Variants in TTN observed in about 807,000 individuals in gnomAD.
TTN encodes the protein connectin.
Under a neutral mutation model 3,223.0 loss-of-function variants are expected in TTN, and 1,525 were observed. The ratio of observed to expected loss-of-function variants is 0.47; its 90% CI spans 0.45 to 0.49. The LOEUF (loss-of-function observed/expected upper bound fraction) is 0.49. Ranked by LOEUF, TTN falls within the 20% of genes least tolerant of loss-of-function variation. The pLI is 0.00. For missense variants in TTN, 40,786 were observed against 43,424.0 expected, an observed-to-expected ratio of 0.94 and a Z score of 5.40; for synonymous variants, 14,094 against 15,161.0, an observed-to-expected ratio of 0.93 and a Z score of 5.17.
Position 178,528,593 on chromosome 2 carries a change from G to T in TTN, c.107158C>A (p.Leu35720Ile). Residue 35720 changes from leucine (L) to isoleucine (I), a missense_variant, in exon 360 of 363, where the codon CTC (leucine) becomes ATC (isoleucine). Coordinates refer to ENST00000589042, the MANE Select transcript of TTN (RefSeq NM_001267550.2). ...SQNINEGQNV[L>I]FTCEISGEPS... ...TCGCCACTGATTTCACAAGTAAAGAGAACATTTTGTCCTTCATTAATATTT... is the reference window on the plus strand; with the variant it reads ...TCGCCACTGATTTCACAAGTAAAGATAACATTTTGTCCTTCATTAATATTT... 2.5e-6 allele frequency: 4 copies of T among 1,613,046 alleles called. No individual in the cohort carries two copies. In the South Asian group the frequency reaches 3.3e-5, roughly 13 times the overall value.
intron 228 of TTN, 144 bp downstream of exon 228, chr2:178,635,021 G>A (rs1266541359): frequency 1.7e-5 from 24 of 1,376,310 alleles, no homozygotes; most frequent in East Asian, 7.1e-5. Context: ...CAAATGATAC[G>A]TAAAATTTCT....
At chr2:178,600,064 T>C (rs959366847) in intron 288 of TTN, among the ~76,000 whole-genome samples, 2 of 151,972 alleles carry the variant, frequency 1.3e-5, no homozygotes, top group African/African-American at 4.8e-5. Context: ...CATGTGGCTA[T>C]GTATCTGTGC....
rs753808735 is a variant in TTN, at chr2:178,620,248, T to G, written c.46273A>C (p.Arg15425=). 21 of 1,540,524 alleles carry G rather than the reference T, an allele frequency of 1.4e-5. No individual in the cohort carries two copies. Among genetic ancestry groups the G allele is most frequent in the Non-Finnish European group, 1.8e-5 (21 of 1,147,738 alleles). The stretch of plus-strand genomic sequence containing the variant: ...CCTTCTTTGATTTCTCTCCCATTTC[T>G]GTACCATTTTACATTGGCTTTCTCT... ...SREKANVKWY[R]NGREIKEGKK... Residue 15425 remains arginine, a synonymous_variant, in exon 248 of 363, where the codon AGA becomes CGA. Transcript: ENST00000589042.
At position 178,567,994 on chromosome 2, in the gene TTN, A is replaced by G. The variant is rs896653681; in HGVS notation, c.78138T>C (p.His26046=). Residue 26046 remains histidine, a synonymous_variant, in exon 326 of 363, where the codon CAT becomes CAC. Coordinates refer to ENST00000589042, the MANE Select transcript of TTN (RefSeq NM_001267550.2). ...LWTKVNKTII[H]DTQFKAQNLE... is the part of the protein sequence containing the mutation. ...GATTCTGTGCTTTGAATTGGGTGTC[A>G]TGAATAATAGTTTTGTTGACCTTTG... The G allele has an allele frequency of 2.5e-6, 4 of 1,613,374 alleles. No homozygotes were observed. Among genetic ancestry groups the G allele is most frequent in the Admixed American group, 1.7e-5 (1 of 59,960 alleles).
intron 288 of TTN, 176 bp downstream of exon 288, chr2:178,600,678 G>T: frequency 1.3e-6 from 1 of 744,124 alleles, no homozygotes; most frequent in Non-Finnish European, 2.3e-6. Context: ...GTAAGGGAAT[G>T]TGAAAATTCT....
rs1363584144 is a variant in TTN, at chr2:178,546,700, T to G, written c.94728A>C (p.Glu31576Asp). The G allele has an allele frequency of 1.2e-6, 2 of 1,613,698 alleles. No individual in the cohort carries two copies. Among genetic ancestry groups the G allele is most frequent in the Non-Finnish European group, 1.7e-6 (2 of 1,179,766 alleles). The change falls in exon 341 of 363, where the codon GAA (glutamate) becomes GAC (aspartate). Residue 31576 changes from glutamate (E) to aspartate (D), a missense_variant. Glu to Asp is a conservative substitution (Grantham distance 45, BLOSUM62 2). Transcript: ENST00000589042. ...ACACACGGAACTCATAAGTGTCTCC[T>G]TCACTGAGAGCAGTCACGGTGAAGA... ...DNFFTVTALSEGDTYEFRVLA... is the reference protein window; with the variant it reads ...DNFFTVTALSDGDTYEFRVLA...
chr2:178,637,089 T>C (rs1317439169), intron 224 of TTN, among the ~76,000 whole-genome samples: 1 of 141,352 alleles, frequency 7.1e-6, no homozygotes, highest in Non-Finnish European at 1.5e-5. Flanking sequence ...ATAAATACCA[T>C]GCATATGAAA....
intron 321 of TTN, 83 bp from the exon 322 acceptor site, chr2:178,578,268 A>G: frequency 2.5e-6 from 3 of 1,184,698 alleles, no homozygotes; most frequent in Non-Finnish European, 3.6e-6. Flanking sequence ...ATTTATACAT[A>G]TCCATATATA....
In TTN at chr2:178,534,725, G is replaced by C. The variant is rs779064623; in HGVS notation, c.101890C>G (p.Arg33964Gly). ...AAGTTGTCCCCTGGTTTCAGCTGAC[G>C]GGCTTGACCAAATTCTATGATTTTA... is the stretch of plus-strand genomic sequence containing the variant. ...TIKIIEFGQA[R>G]QLKPGDNFRL... Residue 33964 changes from arginine to glycine, a missense_variant, in exon 358 of 363, where the codon CGT becomes GGT. Coordinates refer to ENST00000589042, the MANE Select transcript of TTN (RefSeq NM_001267550.2). The C allele has an allele frequency of 6.2e-7, 1 of 1,613,646 alleles. No homozygotes were observed. The highest frequency in any genetic ancestry group is 1.3e-5 in the African/African-American group (1 of 74,862).
Position 178,786,067 on chromosome 2 carries a change from G to C in TTN, c.2151C>G (p.Pro717=). 1 of 1,614,040 alleles carries C rather than the reference G, an allele frequency of 6.2e-7. No homozygotes were observed. Among genetic ancestry groups the C allele is most frequent in the Non-Finnish European group, 8.5e-7 (1 of 1,180,006 alleles). ...ATTCTTCAAGATGCCCAGGCTCTCT[G>C]GGCTCTCTGACTCGGGCCTGGTCTA... is the stretch of plus-strand genomic sequence containing the variant. ...AAVDQARVRE[P]REPGHLEESY... Residue 717 remains proline, a synonymous_variant, in exon 14 of 363, where the codon CCC becomes CCG. Coordinates refer to ENST00000589042, the MANE Select transcript of TTN (RefSeq NM_001267550.2).
Position 178,530,709 on chromosome 2 carries a change from T to A in TTN, c.105906A>T (p.Lys35302Asn). 1 of 1,613,952 alleles carries A rather than the reference T, an allele frequency of 6.2e-7. No homozygotes were observed. Among genetic ancestry groups the A allele is most frequent in the African/African-American group, 1.3e-5 (1 of 75,036 alleles). The change falls in exon 358 of 363, where the codon AAA (lysine) becomes AAT (asparagine). Residue 35302 changes from lysine (K) to asparagine (N), a missense_variant. Physicochemically the swap from Lys to Asn is moderately conservative, Grantham distance 94. Coordinates refer to ENST00000589042, the MANE Select transcript of TTN (RefSeq NM_001267550.2). Reference protein sequence around the residue: ...LKAEASKEIAKLTCVVESSVL... With the variant: ...LKAEASKEIANLTCVVESSVL... ...CACTGCTTTCAACCACACAGGTCAG[T>A]TTTGCAATCTCTTTAGAAGCTTCTG...
At position 178,649,781 on chromosome 2, in the gene TTN, A is replaced by C. The variant is rs2742356; in HGVS notation, c.39895+36T>G. ...ATAAGAAGAGTGTAAAATTGTAGAC[A>C]CCACAAAAATGAAGTATTCATTTTA... On this transcript the variant is annotated intron_variant, in intron 211 of 362. Coordinates refer to ENST00000589042, the MANE Select transcript of TTN (RefSeq NM_001267550.2). The C allele has an allele frequency of 0.023, 37,422 of 1,598,006 alleles. 635 individuals carry two copies. Among genetic ancestry groups the C allele is most frequent in the East Asian group, 0.092 (4,092 of 44,712 alleles).
In TTN at chr2:178,581,688, C is replaced by T. The variant is rs768049902; in HGVS notation, c.66580G>A (p.Glu22194Lys). The T allele has an allele frequency of 3.6e-5, 58 of 1,612,276 alleles. 1 individual carries two copies. The South Asian group carries it at 6.2e-4, about 17-fold the overall frequency. The change falls in exon 316 of 363, where the codon GAA becomes AAA. Residue 22194 changes from glutamate (E) to lysine (K), a missense_variant. Transcript: ENST00000589042. ...GGSPIIGYLV[E>K]VKRADSDNWV... ...TTATCGGAGTCAGCCCGTTTTACTT[C>T]AACGAGATAACCAATGATAGGGCTG... is the stretch of plus-strand genomic sequence containing the variant.
chr2:178,541,770 ATTATT>A (rs1338136102), intron 349 of TTN, 186 bp from the exon 350 acceptor site: 1 of 350,686 alleles, frequency 2.9e-6, no homozygotes, highest in African/African-American at 2.1e-5. Flanking sequence ...TAATTATTTA[ATTATT>A]TTTATTAAAA....
At chr2:178,667,210 A>G (rs2066112301) in intron 162 of TTN, 26 bp downstream of exon 162, 3 of 1,553,126 alleles carry the variant, frequency 1.9e-6, no homozygotes, top group Non-Finnish European at 2.6e-6. Context: ...TTTCTTCTTT[A>G]GATTTTCCTA....
chr2:178,777,517 A>T lies in TTN; in HGVS notation c.4548T>A (p.Ile1516=). 1.2e-6 allele frequency: 2 copies of T among 1,613,908 alleles called. No individual in the cohort carries two copies. The highest frequency in any genetic ancestry group is 2.2e-5 in the South Asian group (2 of 91,084). The change falls in exon 26 of 363, where the codon ATT becomes ATA. Residue 1516 remains isoleucine, a synonymous_variant. Coordinates refer to ENST00000589042, the MANE Select transcript of TTN (RefSeq NM_001267550.2). ...VIKEDGTQSL[I]IVPATPSDSG... ...AATCACTGGGTGTGGCAGGGACAAT[A>T]ATTAGTGATTGAGTACCATCTTCTT...
rs1404382323 is a variant in TTN, at chr2:178,730,634, A to G, written c.17899T>C (p.Phe5967Leu). ...AAGGCAGTATTGTCATGAAAAGAGA[A>G]TTTGTACTTTTCACTAGCTGATATT... ...QEISASEKYKFSFHDNTAFLE... is the reference protein window; with the variant it reads ...QEISASEKYKLSFHDNTAFLE... The change falls in exon 61 of 363, where the codon TTC becomes CTC. Residue 5967 changes from phenylalanine (F) to leucine (L), a missense_variant. Physicochemically the swap from Phe to Leu is conservative, Grantham distance 22. Transcript: ENST00000589042. The G allele has an allele frequency of 1.9e-6, 3 of 1,613,492 alleles. No individual in the cohort carries two copies. The highest frequency in any genetic ancestry group is 2.5e-6 in the Non-Finnish European group (3 of 1,179,678).
rs1343565501 is a variant in TTN at position 178,740,725 on chromosome 2, C to T, written c.12508G>A (p.Glu4170Lys). 6.2e-7 allele frequency: 1 copy of T among 1,613,710 alleles called. No homozygotes were observed. Among genetic ancestry groups the T allele is most frequent in the African/African-American group, 1.3e-5 (1 of 74,910 alleles). ...TFSKEGILMPEEPETQAVLSD... is the reference protein window; with the variant it reads ...TFSKEGILMPKEPETQAVLSD... ...AGAACTGCCTGTGTCTCAGGCTCTT[C>T]AGGCATTAGAATACCTTCTTTGGAG... Residue 4170 changes from glutamate (E) to lysine (K), a missense_variant, in exon 48 of 363, where the codon GAA (glutamate) becomes AAA (lysine). Physicochemically the swap from Glu to Lys is moderately conservative, Grantham distance 56 (BLOSUM62 1). Transcript: ENST00000589042.
At chr2:178,625,151 A>G in intron 241 of TTN, 122 bp downstream of exon 241, 1 of 1,347,320 alleles carries the variant, frequency 7.4e-7, no homozygotes, top group Non-Finnish European at 9.9e-7. Context: ...GTAAAATCAG[A>G]CTTTTGATTA....
Sources: gnomAD v4.1 joint callset for allele counts (sites outside exome capture counted in the v4.1 genomes callset) on GRCh38, gnomAD v4.1.1 for gene constraint, MANE v1.5 for transcripts, NCBI Gene and HGNC (gene_info 2026-07-23, HGNC 2026-07-21) for gene names.